Variants in ERG observed in about 807,000 individuals in gnomAD.
The protein encoded by ERG is ETS transcription factor ERG.
In ERG, 9 loss-of-function variants were observed where a neutral mutation model predicts 55.3. The observed-to-expected ratio is 0.16, with a 90% CI of 0.10 to 0.28. The LOEUF is 0.28. Ranked by LOEUF, ERG falls within the 10% of genes least tolerant of loss-of-function variation. The pLI, the probability that ERG is intolerant of heterozygous loss-of-function variation, is 1.00. For synonymous variants in ERG, 223 were observed against 237.3 expected (o/e 0.94, Z 0.55); for missense variants, 434 against 631.6 (o/e 0.69, Z 3.35).
At chr21:38,592,127 C>A (rs1280470809) in intron 1 of ERG, among the ~76,000 whole-genome samples, 1 of 152,236 alleles carries the variant, frequency 6.6e-6, no homozygotes, top group Non-Finnish European at 1.5e-5. Context: ...TAACAACAGG[C>A]TCTCACAGGA....
intron 1 of ERG, among the ~76,000 whole-genome samples, chr21:38,637,366 T>A (rs2060395822): frequency 2.0e-5 from 3 of 152,226 alleles, no homozygotes; most frequent in African/African-American, 7.2e-5. Context: ...GATTTCTTAC[T>A]AATCTGGGTG....
At chr21:38,517,593 A>C (rs2059561459) in intron 2 of ERG, among the ~76,000 whole-genome samples, 1 of 152,148 alleles carries the variant, frequency 6.6e-6, no homozygotes, top group African/African-American at 2.4e-5. Flanking sequence ...TAATCCAGAT[A>C]TCTCACTACT....
At chr21:38,599,345 G>C (rs565591365) in intron 1 of ERG, among the ~76,000 whole-genome samples, 29 of 152,250 alleles carry the variant, frequency 1.9e-4, no homozygotes, top group African/African-American at 7.0e-4. Flanking sequence ...ACACACACAG[G>C]GATGTCACCC....
intron 2 of ERG, among the ~76,000 whole-genome samples, chr21:38,429,888 T>TA (rs1319407667): frequency 6.6e-6 from 1 of 152,168 alleles, no homozygotes; most frequent in Non-Finnish European, 1.5e-5. Flanking sequence ...TCTGGGTAGA[T>TA]AACCAGTGGT....
At chr21:38,474,674 G>A (rs1601458847) in intron 1 of ERG, among the ~76,000 whole-genome samples, 1 of 152,104 alleles carries the variant, frequency 6.6e-6, no homozygotes, top group South Asian at 2.1e-4. Context: ...CTGTATGGAA[G>A]GTGGTGACTA....
chr21:38,452,326 AATAC>A (rs1481344945), intron 1 of ERG, among the ~76,000 whole-genome samples: 1 of 152,254 alleles, frequency 6.6e-6, no homozygotes, highest in East Asian at 1.9e-4. Context: ...TACATGCGCA[AATAC>A]ATATATACAT....
At chr21:38,457,604 G>C (rs1360985448) in intron 1 of ERG, among the ~76,000 whole-genome samples, 1 of 152,204 alleles carries the variant, frequency 6.6e-6, no homozygotes, top group African/African-American at 2.4e-5. Flanking sequence ...TACTTATTAA[G>C]ATTCATCCTT....
At position 38,447,014 on chromosome 21, in the gene ERG, A is replaced by C. The variant is rs375340221; in HGVS notation, c.19-1393T>G. On this transcript the variant is annotated intron_variant, in intron 1 of 9. Transcript: ENST00000288319. ...TACATAAATAAGGGTGCTTCCCATC[A>C]GTAATCACACCCTAGAAGCAGCCCT... is the stretch of plus-strand genomic sequence containing the variant. Among the ~76,000 whole-genome samples, 11 of 152,164 alleles carry C rather than the reference A, an allele frequency of 7.2e-5. No homozygotes were observed. The East Asian group carries it at 1.9e-3, about 27-fold the overall frequency.
chr21:38,370,032 A>G, the ERG span, among the ~76,000 whole-genome samples: 1 of 152,056 alleles, frequency 6.6e-6, no homozygotes, highest in Non-Finnish European at 1.5e-5. Context: ...GCCCTGTATT[A>G]TAGTTTAAAG....
intron 1 of ERG, among the ~76,000 whole-genome samples, chr21:38,453,377 T>G (rs551066545): frequency 1.9e-3 from 282 of 152,356 alleles, no homozygotes; most frequent in Non-Finnish European, 3.1e-3. Flanking sequence ...GTCCACATAA[T>G]GAAAATTAGA....
At chr21:38,419,227 C>T (rs752551340) in intron 3 of ERG, among the ~76,000 whole-genome samples, 15 of 152,216 alleles carry the variant, frequency 9.9e-5, no homozygotes, top group Non-Finnish European at 1.6e-4. Context: ...GCACAATCAA[C>T]AGTCTTGCCA....
chr21:38,544,971 G>A (rs1369546086), intron 2 of ERG, among the ~76,000 whole-genome samples: 4 of 152,066 alleles, frequency 2.6e-5, no homozygotes, highest in East Asian at 1.9e-4. Flanking sequence ...GCTTCTACCC[G>A]CTCTTGGTCT....
At chr21:38,560,120 G>C (rs889657569) in intron 2 of ERG, among the ~76,000 whole-genome samples, 8 of 152,208 alleles carry the variant, frequency 5.3e-5, no homozygotes, top group African/African-American at 1.9e-4. Context: ...GATTTTGTGA[G>C]TGAAGGGCAT....
intron 2 of ERG, among the ~76,000 whole-genome samples, chr21:38,436,083 G>A (rs909739952): frequency 9.5e-5 from 14 of 147,166 alleles, no homozygotes; most frequent in Non-Finnish European, 1.3e-4. Context: ...GCAATGGCGC[G>A]ATCTCAGCTC....
chr21:38,568,003 T>G (rs2059933587), intron 2 of ERG, among the ~76,000 whole-genome samples: 1 of 152,222 alleles, frequency 6.6e-6, no homozygotes, highest in Non-Finnish European at 1.5e-5. Context: ...TAGCGTTACT[T>G]CCAGAGCGGC....
intron 1 of ERG, among the ~76,000 whole-genome samples, chr21:38,467,888 G>T (rs548487970): frequency 2.0e-5 from 3 of 152,212 alleles, no homozygotes; most frequent in Admixed American, 6.5e-5. Context: ...GTGCATGAGG[G>T]TGTCATTTAT....
chr21:38,587,641 G>A (rs771096491), upstream of ERG, among the ~76,000 whole-genome samples: 5 of 152,110 alleles, frequency 3.3e-5, no homozygotes, highest in African/African-American at 4.8e-5. Flanking sequence ...CGTGAGCCAC[G>A]GCGCCCGGCC....
At chr21:38,496,147 C>T (rs186543554) in intron 1 of ERG, among the ~76,000 whole-genome samples, 3 of 152,132 alleles carry the variant, frequency 2.0e-5, no homozygotes, top group Non-Finnish European at 4.4e-5. Context: ...AGACTGGATA[C>T]GAATATTTAG....
intron 1 of ERG, among the ~76,000 whole-genome samples, chr21:38,655,716 G>A (rs1227425705): frequency 1.3e-5 from 2 of 152,164 alleles, no homozygotes; most frequent in Admixed American, 6.5e-5. Context: ...CTGTAACCAT[G>A]AAACTGTCAT....
Sources: gnomAD v4.1 joint callset for allele counts (sites outside exome capture counted in the v4.1 genomes callset) on GRCh38, gnomAD v4.1.1 for gene constraint, MANE v1.5 for transcripts, NCBI Gene and HGNC (gene_info 2026-07-23, HGNC 2026-07-21) for gene names.